Variants in ZNF160 observed in about 807,000 individuals in gnomAD.
The protein encoded by ZNF160 is zinc finger protein 160.
A neutral mutation model predicts 13.1 loss-of-function variants in ZNF160; 9 were observed. The observed-to-expected ratio is 0.69, with a 90% confidence interval of 0.41 to 1.20. The LOEUF (loss-of-function observed/expected upper bound fraction) is 1.20, where lower values mean the gene tolerates loss of function less well. Ranked by LOEUF, ZNF160 falls within the 50% of genes most tolerant of loss-of-function variation. The pLI, the probability that ZNF160 is intolerant of heterozygous loss-of-function variation, is 0.01. For missense variants in ZNF160, 838 were observed against 988.0 expected, an observed-to-expected ratio of 0.85 and a Z score of 2.04; for synonymous variants, 293 against 333.2, an observed-to-expected ratio of 0.88 and a Z score of 1.31.
chr19:53,071,879 G>A (rs1274164695), intron 5 of ZNF160, among the ~76,000 whole-genome samples: 1 of 151,932 alleles, frequency 6.6e-6, no homozygotes, highest in East Asian at 1.9e-4. Context: ...ACATACTAAA[G>A]TACAACATAA....
intron 5 of ZNF160, among the ~76,000 whole-genome samples, chr19:53,070,952 C>T (rs2084148586): frequency 6.6e-6 from 1 of 151,818 alleles, no homozygotes; most frequent in Non-Finnish European, 1.5e-5. Context: ...AATCCCAGCA[C>T]TTTGGGAGGC....
chr19:53,074,749 C>G (rs918381440), intron 4 of ZNF160, among the ~76,000 whole-genome samples: 2 of 151,840 alleles, frequency 1.3e-5, no homozygotes, highest in African/African-American at 4.8e-5. Flanking sequence ...ATAGAAGGCT[C>G]TATTCCACCA....
intron 5 of ZNF160, 151 bp from the exon 6 acceptor site, chr19:53,070,413 ATG>A: frequency 4.6e-6 from 4 of 870,646 alleles, no homozygotes; most frequent in East Asian, 3.0e-5. Context: ...AGGAACAAAA[ATG>A]TTTTTTTTTT....
chr19:53,101,279 A>AAAAT lies in ZNF160; in HGVS notation c.-354+1982_-354+1985dup, dbSNP rs921588608. On this transcript the variant is annotated intron_variant, in intron 1 of 5. Transcript: ENST00000683776. ...TGGGTGAAAGAGCGAGACTGTCTCA[A>AAAAT]AAATAAATAAATAAATAAATAAAAA... Among the ~76,000 whole-genome samples, 17 of 152,164 alleles carry AAAAT rather than the reference A, an allele frequency of 1.1e-4. No homozygotes were observed. In the East Asian group the frequency reaches 2.7e-3, roughly 24 times the overall value.
intron 5 of ZNF160, among the ~76,000 whole-genome samples, chr19:53,070,847 G>A (rs554974148): frequency 2.6e-5 from 4 of 152,264 alleles, no homozygotes; most frequent in African/African-American, 9.6e-5. Context: ...AGGAGGCCAC[G>A]AGGTTGAGAC....
chr19:53,089,725 C>A (rs2084964607), intron 2 of ZNF160, among the ~76,000 whole-genome samples: 1 of 152,040 alleles, frequency 6.6e-6, no homozygotes, highest in African/African-American at 2.4e-5. Context: ...ATCAACTCAC[C>A]ACTCACCTGA....
At chr19:53,082,397 T>C (rs2084666478) in intron 3 of ZNF160, among the ~76,000 whole-genome samples, 1 of 152,226 alleles carries the variant, frequency 6.6e-6, no homozygotes, top group Non-Finnish European at 1.5e-5. Flanking sequence ...TAAAATCAGA[T>C]GTGGCCAGGT....
intron 1 of ZNF160, among the ~76,000 whole-genome samples, chr19:53,102,807 C>T (rs541764063): frequency 6.6e-6 from 1 of 152,170 alleles, no homozygotes; most frequent in African/African-American, 2.4e-5. Context: ...GCAAAAACAC[C>T]GGGTGTCACA....
At chr19:53,094,758 G>T (rs1210610106) in intron 1 of ZNF160, among the ~76,000 whole-genome samples, 2 of 152,152 alleles carry the variant, frequency 1.3e-5, no homozygotes, top group Non-Finnish European at 2.9e-5. Flanking sequence ...CTTATTAACT[G>T]AAAATAAGCA....
chr19:53,075,246 G>C, intron 3 of ZNF160, 63 bp from the exon 4 acceptor site: 2 of 1,586,530 alleles, frequency 1.3e-6, no homozygotes, highest in South Asian at 1.1e-5. Flanking sequence ...CACATAAAAG[G>C]AGAAGAGGAG....
At chr19:53,077,066 C>T (rs752161064) in intron 3 of ZNF160, 2 of 152,282 alleles carry the variant, frequency 1.3e-5, no homozygotes, top group South Asian at 4.1e-4. Flanking sequence ...CAAAGCCATC[C>T]GTCATAAACC....
rs2084002183 is a variant in ZNF160 at position 53,067,396 on chromosome 19, A to C, written c.*681T>G. The C allele has an allele frequency of 6.6e-6, 1 of 152,142 alleles. No homozygotes were observed. Among genetic ancestry groups the C allele is most frequent in the Non-Finnish European group, 1.5e-5 (1 of 68,024 alleles). The allele number at this position is 152,142 out of a possible 1,614,324, so 9.4% of individuals were successfully genotyped here. Reference sequence around the variant, plus strand: ...TTTACATTGTTTTTCGCCACTCCCAAATGCTAATTCAGATGATACTTAATT... The same window carrying C: ...TTTACATTGTTTTTCGCCACTCCCACATGCTAATTCAGATGATACTTAATT... On this transcript the variant is annotated 3_prime_UTR_variant, in exon 6 of 6. Transcript: ENST00000683776.
intron 3 of ZNF160, chr19:53,077,190 A>C (rs1156942455): frequency 6.6e-6 from 1 of 152,212 alleles, no homozygotes; most frequent in Non-Finnish European, 1.5e-5. Context: ...CTGCATACAA[A>C]CTGGCACAAG....
rs1355644736 is a variant in ZNF160 at position 53,067,241 on chromosome 19, T to A, written c.*836A>T. ...TACTCTCCTCCCACAAAAATCCCAA[T>A]GTCCTAAGGTCTTGGCCTGCTCCAT... On this transcript the variant is annotated 3_prime_UTR_variant, in exon 6 of 6. Coordinates refer to ENST00000683776, the MANE Select transcript of ZNF160 (RefSeq NM_001322131.2). 6.6e-6 allele frequency: 1 copy of A among 152,198 alleles called. No individual in the cohort carries two copies. Among genetic ancestry groups the A allele is most frequent in the Admixed American group, 6.5e-5 (1 of 15,276 alleles). The allele number at this position is 152,198 out of a possible 1,614,324, so 9.4% of individuals were successfully genotyped here. A position where few individuals can be genotyped will look rare whatever the true frequency, so the allele number is the denominator to read the frequency against.
intron 1 of ZNF160, among the ~76,000 whole-genome samples, chr19:53,098,238 G>A (rs2085308656): frequency 6.6e-6 from 1 of 152,136 alleles, no homozygotes; most frequent in African/African-American, 2.4e-5. Flanking sequence ...CTGTGGGCCA[G>A]GTGCATGCAG....
At chr19:53,076,696 C>T (rs1043492199) in intron 3 of ZNF160, among the ~76,000 whole-genome samples, 2 of 152,022 alleles carry the variant, frequency 1.3e-5, no homozygotes, top group Admixed American at 6.6e-5. Context: ...GTAGGAAGTC[C>T]CAAGCACTAC....
At chr19:53,090,578 G>T (rs1414825922) in intron 2 of ZNF160, among the ~76,000 whole-genome samples, 1 of 152,220 alleles carries the variant, frequency 6.6e-6, no homozygotes, top group African/African-American at 2.4e-5. Context: ...TGGAATCTGG[G>T]ACAAAAGAAC....
intron 5 of ZNF160, among the ~76,000 whole-genome samples, chr19:53,072,109 T>C (rs1156581436): frequency 1.3e-5 from 2 of 151,636 alleles, no homozygotes; most frequent in South Asian, 2.1e-4. Flanking sequence ...TTCTTTCTTT[T>C]TTTTTTTTTT....
chr19:53,079,555 A>G (rs2084542876), intron 3 of ZNF160, among the ~76,000 whole-genome samples: 1 of 18,772 alleles, frequency 5.3e-5, no homozygotes, highest in Admixed American at 3.7e-4. Context: ...CATCTAAAAA[A>G]AAAAAAAAAA....
Sources: gnomAD v4.1 joint callset for allele counts (sites outside exome capture counted in the v4.1 genomes callset) on GRCh38, gnomAD v4.1.1 for gene constraint, MANE v1.5 for transcripts, NCBI Gene and HGNC (gene_info 2026-07-23, HGNC 2026-07-21) for gene names.